IQCK: variants seen among roughly 807,000 people sequenced by gnomAD.
The protein encoded by IQCK is IQ domain-containing protein K.
IQCK carries 29 observed loss-of-function variants against 28.1 expected under a neutral mutation model. The observed-to-expected ratio is 1.03, with a 90% CI of 0.77 to 1.41. The LOEUF (loss-of-function observed/expected upper bound fraction) is 1.41. Ranked by LOEUF, IQCK falls within the 40% of genes most tolerant of loss-of-function variation. The pLI is 0.00. For missense variants in IQCK, 359 were observed against 314.7 expected (o/e 1.14, Z -1.07); for synonymous variants, 113 against 115.1 (o/e 0.98, Z 0.12).
chr16:19,844,064 G>A (rs2056389035), intron 9 of IQCK, among the ~76,000 whole-genome samples: 1 of 150,096 alleles, frequency 6.7e-6, no homozygotes, highest in Non-Finnish European at 1.5e-5. Context: ...ACAAGGTTTT[G>A]TGTACTCATA....
At chr16:19,731,344 C>T (rs184572522) in intron 2 of IQCK, among the ~76,000 whole-genome samples, 25 of 152,316 alleles carry the variant, frequency 1.6e-4, no homozygotes, top group African/African-American at 3.4e-4. Flanking sequence ...GACTTGAGCA[C>T]GGTAACACGG....
At chr16:19,730,669 G>A (rs1312024546) in intron 2 of IQCK, among the ~76,000 whole-genome samples, 175 bp downstream of exon 2, 1 of 152,226 alleles carries the variant, frequency 6.6e-6, no homozygotes, top group Non-Finnish European at 1.5e-5. Context: ...GTTTGACTTA[G>A]AGGGCATCAC....
chr16:19,757,493 C>CA (rs1399151288), intron 4 of IQCK, among the ~76,000 whole-genome samples: 1 of 152,108 alleles, frequency 6.6e-6, no homozygotes, highest in Non-Finnish European at 1.5e-5. Flanking sequence ...GCCAACATGG[C>CA]AAAACCCCAT....
chr16:19,726,329 A>G (rs988387998), intron 1 of IQCK, among the ~76,000 whole-genome samples: 1 of 152,198 alleles, frequency 6.6e-6, no homozygotes, highest in African/African-American at 2.4e-5. Flanking sequence ...TTAATGTATA[A>G]GATTGATTAT....
At chr16:19,827,910 A>G (rs940142603), downstream of IQCK, among the ~76,000 whole-genome samples, 2 of 151,480 alleles carry the variant, frequency 1.3e-5, no homozygotes, top group Non-Finnish European at 2.9e-5. Flanking sequence ...TCATGAGCCG[A>G]TATCTTCTTT....
intron 1 of IQCK, among the ~76,000 whole-genome samples, chr16:19,729,618 T>C (rs1180188045): frequency 1.3e-5 from 2 of 151,462 alleles, no homozygotes; most frequent in African/African-American, 4.8e-5. Flanking sequence ...ACCGACTTTA[T>C]TATTTTATTT....
intron 4 of IQCK, among the ~76,000 whole-genome samples, chr16:19,756,783 G>C (rs1470312068): frequency 6.6e-6 from 1 of 151,932 alleles, no homozygotes; most frequent in Non-Finnish European, 1.5e-5. Context: ...TGTAGTCCCA[G>C]CTACTTGGGA....
At chr16:19,817,249 A>G (rs2056001421) in intron 7 of IQCK, among the ~76,000 whole-genome samples, 1 of 152,202 alleles carries the variant, frequency 6.6e-6, no homozygotes, top group African/African-American at 2.4e-5. Context: ...TTGTTTGGCA[A>G]TGAAATTGTT....
chr16:19,854,719 T>C (rs180892323), intron 9 of IQCK, among the ~76,000 whole-genome samples: 4 of 152,240 alleles, frequency 2.6e-5, no homozygotes, highest in Non-Finnish European at 4.4e-5. Context: ...TGGCTTCCAA[T>C]AGGCTATGGA....
At chr16:19,726,416 G>A (rs1301602657) in intron 1 of IQCK, among the ~76,000 whole-genome samples, 1 of 151,954 alleles carries the variant, frequency 6.6e-6, no homozygotes, top group Non-Finnish European at 1.5e-5. Context: ...TTGGCAATTT[G>A]GCCCAAATTT....
At chr16:19,753,411 G>A (rs1389034215) in intron 4 of IQCK, among the ~76,000 whole-genome samples, 1 of 152,110 alleles carries the variant, frequency 6.6e-6, no homozygotes, top group Non-Finnish European at 1.5e-5. Context: ...AGGTGACAGA[G>A]CAAGACCTTG....
chr16:19,823,744 C>T (rs980529163), intron 7 of IQCK, among the ~76,000 whole-genome samples: 1 of 152,130 alleles, frequency 6.6e-6, no homozygotes, highest in Non-Finnish European at 1.5e-5. Context: ...CGAGACCAGC[C>T]TGGCCAACAT....
chr16:19,805,451 G>A (rs1455140841), intron 7 of IQCK, among the ~76,000 whole-genome samples: 2 of 152,222 alleles, frequency 1.3e-5, no homozygotes, highest in African/African-American at 4.8e-5. Flanking sequence ...TGCTTACAAT[G>A]TGGCAGGCAG....
At chr16:19,728,641 G>A (rs1977734069) in intron 1 of IQCK, among the ~76,000 whole-genome samples, 2 of 152,132 alleles carry the variant, frequency 1.3e-5, no homozygotes, top group South Asian at 4.2e-4. Context: ...CACAGCTTTG[G>A]CTGATACCTT....
At chr16:19,785,962 G>A (rs906921516) in intron 6 of IQCK, among the ~76,000 whole-genome samples, 1 of 152,182 alleles carries the variant, frequency 6.6e-6, no homozygotes, top group Non-Finnish European at 1.5e-5. Context: ...TGGACAACTT[G>A]CAGTCACGAC....
intron 4 of IQCK, among the ~76,000 whole-genome samples, chr16:19,757,348 A>C (rs1457479290): frequency 1.1e-4 from 17 of 152,186 alleles, no homozygotes; most frequent in Non-Finnish European, 1.0e-4. Context: ...AAATTGGTAC[A>C]AAATACTGTC....
intron 7 of IQCK, among the ~76,000 whole-genome samples, chr16:19,816,962 C>T (rs1420913120): frequency 3.3e-5 from 5 of 152,074 alleles, no homozygotes; most frequent in African/African-American, 1.2e-4. Context: ...AGGAACCTGC[C>T]CAAGGCTCCT....
chr16:19,817,144 C>G (rs1243267269), intron 7 of IQCK, among the ~76,000 whole-genome samples: 1 of 151,872 alleles, frequency 6.6e-6, no homozygotes, highest in African/African-American at 2.4e-5. Context: ...TAATGTATAC[C>G]CTATTTATGT....
intron 7 of IQCK, among the ~76,000 whole-genome samples, chr16:19,819,855 T>C (rs2056042313): frequency 1.3e-5 from 2 of 150,718 alleles, no homozygotes. Context: ...CTACTAAAAA[T>C]ACAGAAAGTC....
Sources: allele counts gnomAD v4.1 joint callset (sites outside exome capture counted in the v4.1 genomes callset), GRCh38; gene constraint gnomAD v4.1.1; transcripts MANE v1.5; gene names NCBI Gene and HGNC (gene_info 2026-07-23, HGNC 2026-07-21).